The following MYO1D variants were observed in gnomAD, a reference collection of about 807,000 sequenced individuals.
MYO1D encodes myosin ID.
Under a neutral mutation model 122.0 loss-of-function variants are expected in MYO1D, and 83 were observed. The ratio of observed to expected loss-of-function variants is 0.68; its 90% confidence interval spans 0.57 to 0.82. The LOEUF (loss-of-function observed/expected upper bound fraction) is 0.82, where lower values mean the gene tolerates loss of function less well. Among genes scored for constraint, MYO1D ranks in the 40% least tolerant of loss-of-function variants. MYO1D has a pLI of 0.00. For missense variants in MYO1D, 1,157 were observed against 1,269.5 expected, an observed-to-expected ratio of 0.91 and a Z score of 1.35; for synonymous variants, 464 against 446.9, an observed-to-expected ratio of 1.04 and a Z score of -0.48.
chr17:32,873,151 T>A lies in MYO1D; in HGVS notation c.95+3627A>T, dbSNP rs560768579. ...AAAAGGACAATGCCACATAAGCTTT[T>A]AAAAAAAAAAGTAACAAGCATTTTT... On this transcript the variant is annotated intron_variant, in intron 1 of 21. Transcript: ENST00000318217. Among the ~76,000 whole-genome samples the A allele has an allele frequency of 1.9e-4, 28 of 149,656 alleles. No homozygotes were observed. In the South Asian group the frequency reaches 4.0e-3, roughly 21 times the overall value.
At chr17:32,731,421 T>C (rs1342422223) in intron 14 of MYO1D, among the ~76,000 whole-genome samples, 1 of 152,234 alleles carries the variant, frequency 6.6e-6, no homozygotes, top group Non-Finnish European at 1.5e-5. Flanking sequence ...TTTCATTTCT[T>C]GATGTATATT....
chr17:32,594,882 A>G (rs1368746691), intron 21 of MYO1D, among the ~76,000 whole-genome samples: 1 of 152,178 alleles, frequency 6.6e-6, no homozygotes, highest in Non-Finnish European at 1.5e-5. Context: ...AGGAATTCCT[A>G]CATCCTGCTT....
intron 21 of MYO1D, chr17:32,528,872 C>T (rs58634118): frequency 0.11 from 16,020 of 152,238 alleles, 976 homozygotes; most frequent in South Asian, 0.23. Flanking sequence ...CCAACGCCCT[C>T]GTTCTGGCCC....
At chr17:32,605,032 GA>G (rs936527403) in intron 21 of MYO1D, 54 bp downstream of exon 21, 1 of 1,462,574 alleles carries the variant, frequency 6.8e-7, no homozygotes. Flanking sequence ...TGATAATTAC[GA>G]TTAAAGATTT....
chr17:32,694,707 CAAAAA>C (rs58606294), intron 16 of MYO1D, among the ~76,000 whole-genome samples: 4 of 55,912 alleles, frequency 7.2e-5, no homozygotes, highest in South Asian at 1.2e-3. Context: ...GACTCCGTCT[CAAAAA>C]AAAAAAAAAA....
intron 15 of MYO1D, among the ~76,000 whole-genome samples, chr17:32,716,866 T>C (rs1264833138): frequency 6.6e-6 from 1 of 152,244 alleles, no homozygotes; most frequent in Non-Finnish European, 1.5e-5. Context: ...AATTAAAAAG[T>C]TGAACTCATC....
At chr17:32,784,334 T>G (rs906075619) in intron 1 of MYO1D, among the ~76,000 whole-genome samples, 1 of 152,198 alleles carries the variant, frequency 6.6e-6, no homozygotes, top group African/African-American at 2.4e-5. Context: ...TTCTTCCCCA[T>G]GTGCTTGCCA....
chr17:32,644,673 CT>C (rs1202663614), intron 19 of MYO1D, among the ~76,000 whole-genome samples: 6 of 152,236 alleles, frequency 3.9e-5, no homozygotes, highest in African/African-American at 1.4e-4. Flanking sequence ...ATGTAGTGGC[CT>C]TCTTTGTCTC....
chr17:32,876,522 G>A (rs895718405), intron 1 of MYO1D, among the ~76,000 whole-genome samples: 4 of 152,066 alleles, frequency 2.6e-5, no homozygotes, highest in African/African-American at 9.7e-5. Context: ...CAGCGCCCAG[G>A]GCTCCCCTCT....
chr17:32,682,504 C>T (rs2088934985), intron 16 of MYO1D, among the ~76,000 whole-genome samples: 1 of 151,418 alleles, frequency 6.6e-6, no homozygotes, highest in South Asian at 2.1e-4. Context: ...TTCTCCTTCA[C>T]TTATGAAGCT....
intron 15 of MYO1D, among the ~76,000 whole-genome samples, chr17:32,720,631 T>C (rs1322915928): frequency 6.6e-6 from 1 of 152,174 alleles, no homozygotes; most frequent in African/African-American, 2.4e-5. Context: ...TAGGTTAATT[T>C]CTCATAACAG....
intron 21 of MYO1D, among the ~76,000 whole-genome samples, chr17:32,537,632 T>G (rs1277235466): frequency 2.0e-5 from 3 of 152,168 alleles, no homozygotes; most frequent in Non-Finnish European, 4.4e-5. Context: ...ATTTAAATAC[T>G]CCAATTATGA....
At chr17:32,684,699 C>T (rs1308984266) in intron 16 of MYO1D, among the ~76,000 whole-genome samples, 3 of 152,140 alleles carry the variant, frequency 2.0e-5, no homozygotes, top group Non-Finnish European at 2.9e-5. Context: ...TACATGGCAG[C>T]TGTCATGTAT....
At chr17:32,522,108 C>CAAAAAAAAAAAAAAAAAAAAAA (rs1910166929) in intron 21 of MYO1D, among the ~76,000 whole-genome samples, 1 of 116,046 alleles carries the variant, frequency 8.6e-6, no homozygotes, top group African/African-American at 3.3e-5. Flanking sequence ...AAAAAAAAAG[C>CAAAAAAAAAAAAAAAAAAAAAA]AAAACTCAGT....
At position 32,494,672 on chromosome 17, in the gene MYO1D, T is replaced by C; in HGVS notation, c.*87A>G. Reference sequence around the variant, plus strand: ...GGGAGGGGCCCTCGCAGCAGGTTTCTAGCGGGCATGGGTTGGGAGGCAGCA... The same window carrying C: ...GGGAGGGGCCCTCGCAGCAGGTTTCCAGCGGGCATGGGTTGGGAGGCAGCA... On this transcript the variant is annotated 3_prime_UTR_variant, in exon 22 of 22. Transcript: ENST00000318217. 7.0e-7 allele frequency: 1 copy of C among 1,427,948 alleles called. No homozygotes were observed. The highest frequency in any genetic ancestry group is 9.3e-7 in the Non-Finnish European group (1 of 1,076,800). 88.5% of individuals were successfully genotyped at this position (1,427,948 alleles called of 1,614,324 possible).
In MYO1D at chr17:32,876,933, G is replaced by C. The variant is rs2091239832; in HGVS notation, c.-61C>G. 5 of 1,126,316 alleles carry C rather than the reference G, an allele frequency of 4.4e-6. No individual in the cohort carries two copies. The highest frequency in any genetic ancestry group is 3.6e-5 in the Admixed American group (1 of 28,040). 69.8% of individuals were successfully genotyped at this position (1,126,316 alleles called of 1,614,324 possible). A position where few individuals can be genotyped will look rare whatever the true frequency, so the allele number is the denominator to read the frequency against. ...GCCTCCGGGGCCGCTCCGTGGGCCCGCGATGAGCTCGGGAGGGGCCGGGGC... is the reference window on the plus strand; with the variant it reads ...GCCTCCGGGGCCGCTCCGTGGGCCCCCGATGAGCTCGGGAGGGGCCGGGGC... On this transcript the variant is annotated 5_prime_UTR_variant, in exon 1 of 22. Transcript: ENST00000318217.
At chr17:32,691,372 C>A (rs1262412005) in intron 16 of MYO1D, among the ~76,000 whole-genome samples, 1 of 151,328 alleles carries the variant, frequency 6.6e-6, no homozygotes, top group Non-Finnish European at 1.5e-5. Context: ...TCATTATTTC[C>A]CACTGTCATG....
intron 1 of MYO1D, among the ~76,000 whole-genome samples, chr17:32,823,080 G>A (rs902235940): frequency 1.3e-5 from 2 of 152,146 alleles, no homozygotes; most frequent in African/African-American, 4.8e-5. Context: ...CCACATTCAG[G>A]AAGGGGTGAT....
intron 15 of MYO1D, among the ~76,000 whole-genome samples, chr17:32,715,550 C>T (rs1040200888): frequency 2.6e-5 from 4 of 152,104 alleles, no homozygotes; most frequent in Non-Finnish European, 4.4e-5. Context: ...CAAATGCAGG[C>T]GTGTCCCAAG....
Sources: gnomAD v4.1 joint callset for allele counts (sites outside exome capture counted in the v4.1 genomes callset) on GRCh38, gnomAD v4.1.1 for gene constraint, MANE v1.5 for transcripts, NCBI Gene and HGNC (gene_info 2026-07-23, HGNC 2026-07-21) for gene names.